PCF11: variants seen among roughly 807,000 people sequenced by gnomAD.
The protein encoded by PCF11 is pre-mRNA cleavage complex 2 protein Pcf11.
PCF11 carries 19 observed loss-of-function variants against 166.1 expected under a neutral mutation model. That is an observed-to-expected ratio of 0.11 (90% confidence interval 0.08 to 0.17). The LOEUF is 0.17. Ranked by LOEUF, PCF11 falls within the 10% of genes least tolerant of loss-of-function variation. The probability of loss-of-function intolerance (pLI) is 1.00; values close to 1 mark genes in which losing one functional copy is unlikely to be tolerated. For missense variants in PCF11, 1,565 were observed against 1,855.5 expected, an observed-to-expected ratio of 0.84 and a Z score of 2.88; for synonymous variants, 663 against 644.1, an observed-to-expected ratio of 1.03 and a Z score of -0.44.
chr11:83,168,751 T>C, exon 8 of PCF11: 2 of 1,613,758 alleles, frequency 1.2e-6, no homozygotes, highest in South Asian at 1.1e-5. Context: ...CCCTTTGAGA[T>C]TTGAGGGGCC....
chr11:83,184,926 A>T (rs748066532), exon 16 of PCF11: 8 of 1,431,106 alleles, frequency 5.6e-6, no homozygotes, highest in South Asian at 2.7e-5. Flanking sequence ...TTTCTTTTTT[A>T]AAAAAGCTGC....
At chr11:83,160,946 G>A (rs2135415740) in intron 1 of PCF11, among the ~76,000 whole-genome samples, 1 of 152,220 alleles carries the variant, frequency 6.6e-6, no homozygotes, top group East Asian at 1.9e-4. Context: ...TTTGAGTGTA[G>A]GCACACCGTT....
At chr11:83,172,568 G>T (rs529754873) in intron 9 of PCF11, among the ~76,000 whole-genome samples, 1 of 152,058 alleles carries the variant, frequency 6.6e-6, no homozygotes, top group Non-Finnish European at 1.5e-5. Context: ...GACTACAGGC[G>T]TGTGCCACCA....
intron 2 of PCF11, among the ~76,000 whole-genome samples, chr11:83,161,751 G>C (rs1337192119): frequency 6.6e-6 from 1 of 152,092 alleles, no homozygotes; most frequent in African/African-American, 2.4e-5. Context: ...TTACAAACCA[G>C]GCAAAAAGAT....
chr11:83,182,948 C>G, intron 14 of PCF11, 90 bp from the exon 15 acceptor site: 1 of 824,314 alleles, frequency 1.2e-6, no homozygotes, highest in Non-Finnish European at 1.9e-6. Flanking sequence ...TTTCCAAAGA[C>G]TATCTTCTGG....
chr11:83,165,383 G>C (rs552120298), intron 4 of PCF11, among the ~76,000 whole-genome samples: 4 of 152,208 alleles, frequency 2.6e-5, no homozygotes, highest in African/African-American at 9.6e-5. Flanking sequence ...ATATTATAAA[G>C]TCTCAAAAAA....
chr11:83,159,239 TCATACTCAA>T (rs929024413), intron 1 of PCF11, among the ~76,000 whole-genome samples: 2 of 152,184 alleles, frequency 1.3e-5, no homozygotes, highest in African/African-American at 4.8e-5. Context: ...GAAGCATTCG[TCATACTCAA>T]CATGCTTTTT....
chr11:83,167,715 A>T lies in PCF11; in HGVS notation c.2092+210A>T. 6.7e-7 allele frequency: 1 copy of T among 1,493,164 alleles called. No individual in the cohort carries two copies. Among genetic ancestry groups the T allele is most frequent in the Non-Finnish European group, 8.9e-7 (1 of 1,120,694 alleles). 92.5% of individuals were successfully genotyped at this position (1,493,164 alleles called of 1,614,324 possible). A position where few individuals can be genotyped will look rare whatever the true frequency, so the allele number is the denominator to read the frequency against. ...TTTGACTGATGCCTTGTTGTCTGGA[A>T]TAGAATGTGAGCCATCCAAAAGTAA... On this transcript the variant is annotated intron_variant, in intron 7 of 15. Coordinates refer to ENST00000298281, the Ensembl canonical transcript of PCF11. This position sits in a 1 kb window ranked among gnomAD's most constrained non-coding sequence, Gnocchi z 4.2.
intron 9 of PCF11, among the ~76,000 whole-genome samples, chr11:83,172,994 CTAAT>C (rs1296603444): frequency 6.6e-6 from 1 of 152,092 alleles, no homozygotes; most frequent in African/African-American, 2.4e-5. Flanking sequence ...ACAATTATGA[CTAAT>C]TAATATTTGT....
intron 11 of PCF11, among the ~76,000 whole-genome samples, chr11:83,179,272 C>CA (rs1394013604): frequency 6.6e-6 from 1 of 150,602 alleles, no homozygotes; most frequent in Non-Finnish European, 1.5e-5. Context: ...TTTTTTGAGA[C>CA]AGAGTCTCAC....
At chr11:83,170,634 A>G (rs556603215) in intron 8 of PCF11, among the ~76,000 whole-genome samples, 1 of 152,204 alleles carries the variant, frequency 6.6e-6, no homozygotes, top group African/African-American at 2.4e-5. Context: ...TTTAAAATGC[A>G]TACTGAGACA....
rs1254954769 is a variant in PCF11, at chr11:83,181,802, TA to T, written c.4168-47del. 29 of 1,369,626 alleles carry T rather than the reference TA, an allele frequency of 2.1e-5. No homozygotes were observed. In the African/African-American group the frequency reaches 3.9e-4, roughly 18 times the overall value. The allele number at this position is 1,369,626 out of a possible 1,614,324, so 84.8% of individuals were successfully genotyped here. On this transcript the variant is annotated intron_variant, in intron 12 of 15. Coordinates refer to ENST00000298281, the Ensembl canonical transcript of PCF11. ...ATGGCATTATATTGAAGATACACAG[TA>T]AAAATTTAGAAATAAATGGAATAAT...
intron 15 of PCF11, chr11:83,184,233 T>G (rs1861190947): frequency 6.5e-6 from 1 of 154,920 alleles, no homozygotes; most frequent in Non-Finnish European, 1.4e-5. Context: ...AAATAGGTTT[T>G]TAGAGATAAT....
At chr11:83,163,408 ATAT>A (rs1271492164) in intron 2 of PCF11, among the ~76,000 whole-genome samples, 2 of 152,152 alleles carry the variant, frequency 1.3e-5, no homozygotes, top group Non-Finnish European at 2.9e-5. Context: ...AACTTTAGGA[ATAT>A]TATACTAAGC....
intron 4 of PCF11, among the ~76,000 whole-genome samples, chr11:83,165,382 A>G (rs530702870): frequency 8.7e-4 from 133 of 152,350 alleles, no homozygotes; most frequent in South Asian, 7.9e-3. Context: ...TATATTATAA[A>G]GTCTCAAAAA....
chr11:83,160,750 C>A (rs1237037103), intron 1 of PCF11, among the ~76,000 whole-genome samples: 1 of 152,146 alleles, frequency 6.6e-6, no homozygotes, highest in Admixed American at 6.5e-5. Flanking sequence ...TTGCAACTTC[C>A]TGCATGTTCG....
exon 5 of PCF11, chr11:83,165,973 A>G (rs370082922): frequency 1.2e-6 from 2 of 1,600,366 alleles, no homozygotes; most frequent in Non-Finnish European, 1.7e-6. Context: ...GAACTTGACC[A>G]ATTAGATTCT....
rs2135425622 is a variant in PCF11, at chr11:83,167,650, C to T, written c.2092+145C>T. ...AGGACACAGGTTCAGCATTCATTTC[C>T]AAGACTTGATCTCTTAGATCCTGAT... is the stretch of plus-strand genomic sequence containing the variant. On this transcript the variant is annotated intron_variant, in intron 7 of 15. Transcript: ENST00000298281. This position sits in a 1 kb window ranked among gnomAD's most constrained non-coding sequence, Gnocchi z 4.2. 1 of 1,530,362 alleles carries T rather than the reference C, an allele frequency of 6.5e-7. No individual in the cohort carries two copies. The highest frequency in any genetic ancestry group is 8.8e-7 in the Non-Finnish European group (1 of 1,142,464). The allele number at this position is 1,530,362 out of a possible 1,614,324, so 94.8% of individuals were successfully genotyped here.
At chr11:83,184,845 C>T in exon 16 of PCF11, 1 of 1,580,498 alleles carries the variant, frequency 6.3e-7, no homozygotes, top group South Asian at 1.2e-5. Flanking sequence ...GAAAGCATAG[C>T]AACACCCTCT....
Sources: gnomAD v4.1 joint callset for allele counts (sites outside exome capture counted in the v4.1 genomes callset) on GRCh38, gnomAD v4.1.1 for gene constraint, Gnocchi (gnomAD v3.1) non-coding constraint, MANE v1.5 for transcripts, NCBI Gene and HGNC (gene_info 2026-07-23, HGNC 2026-07-21) for gene names.